The following GALNTL6 variants were observed in gnomAD, a reference collection of about 807,000 sequenced individuals.
The protein encoded by GALNTL6 is polypeptide N-acetylgalactosaminyltransferase-like 6.
Under a neutral mutation model 73.7 loss-of-function variants are expected in GALNTL6, and 46 were observed. That is an observed-to-expected ratio of 0.62 (90% confidence interval 0.49 to 0.80). The LOEUF is 0.80. GALNTL6 is among the 30% of genes least tolerant of loss of function. GALNTL6 has a pLI of 0.00. For missense variants in GALNTL6, 604 were observed against 755.0 expected, an observed-to-expected ratio of 0.80 and a Z score of 2.34; for synonymous variants, 259 against 263.7, an observed-to-expected ratio of 0.98 and a Z score of 0.17.
intron 5 of GALNTL6, among the ~76,000 whole-genome samples, chr4:172,657,160 T>C (rs1337944087): frequency 6.6e-6 from 1 of 152,180 alleles, no homozygotes; most frequent in South Asian, 2.1e-4. Context: ...CTAATAATAG[T>C]CTTTCTCTTT....
intron 2 of GALNTL6, among the ~76,000 whole-genome samples, chr4:171,918,580 A>T (rs964023887): frequency 1.3e-5 from 2 of 152,170 alleles, no homozygotes; most frequent in African/African-American, 4.8e-5. Context: ...GGAAAACAAT[A>T]TGGAGGTTCC....
intron 3 of GALNTL6, among the ~76,000 whole-genome samples, chr4:172,255,239 TC>T (rs1738030803): frequency 6.6e-6 from 1 of 151,660 alleles, no homozygotes; most frequent in Non-Finnish European, 1.5e-5. Context: ...TTGATAGCCC[TC>T]CAGTGCTTCA....
chr4:172,304,364 A>G (rs1276442164), intron 3 of GALNTL6, among the ~76,000 whole-genome samples: 1 of 151,982 alleles, frequency 6.6e-6, no homozygotes, highest in African/African-American at 2.4e-5. Context: ...ATACATCCCA[A>G]TGGGAACATT....
intron 7 of GALNTL6, among the ~76,000 whole-genome samples, chr4:172,857,531 C>A (rs1010614017): frequency 1.3e-5 from 2 of 152,160 alleles, no homozygotes; most frequent in Non-Finnish European, 2.9e-5. Context: ...GATAGGTGAA[C>A]TAAACTTAAG....
At chr4:172,598,776 T>C (rs974716809) in intron 5 of GALNTL6, among the ~76,000 whole-genome samples, 33 of 152,188 alleles carry the variant, frequency 2.2e-4, no homozygotes, top group Non-Finnish European at 8.8e-5. Flanking sequence ...CCTTATAAAA[T>C]ATTTTGTGAG....
chr4:172,231,613 C>A (rs200485487), intron 3 of GALNTL6, among the ~76,000 whole-genome samples: 39 of 152,252 alleles, frequency 2.6e-4, no homozygotes, highest in African/African-American at 8.4e-4. Flanking sequence ...CATTTCCATA[C>A]ATGCACTGTG....
intron 2 of GALNTL6, among the ~76,000 whole-genome samples, chr4:171,820,546 CT>C (rs1243722214): frequency 6.6e-6 from 1 of 152,162 alleles, no homozygotes; most frequent in Non-Finnish European, 1.5e-5. Context: ...ACTTCTGTGA[CT>C]TTTTGTTTTT....
rs1168720533 is a variant in GALNTL6 at position 172,685,097 on chromosome 4, G to T, written c.554-124264G>T. ...ATTACTTGAGTTTTCAAAAATTTCAGATATGTAGAGGAAAATACTATGGCA... is the reference window on the plus strand; with the variant it reads ...ATTACTTGAGTTTTCAAAAATTTCATATATGTAGAGGAAAATACTATGGCA... On this transcript the variant is annotated intron_variant, in intron 5 of 12. Transcript: ENST00000506823. Among the ~76,000 whole-genome samples the T allele has an allele frequency of 3.3e-5, 5 of 151,968 alleles. No individual in the cohort carries two copies. In the East Asian group the frequency reaches 9.6e-4, roughly 29 times the overall value.
intron 2 of GALNTL6, among the ~76,000 whole-genome samples, chr4:171,831,930 TA>T (rs942027431): frequency 1.3e-5 from 2 of 151,472 alleles, no homozygotes; most frequent in South Asian, 2.1e-4. Flanking sequence ...GACACAAAAG[TA>T]TTTTTTTATT....
At chr4:172,795,831 A>G (rs898167487) in intron 5 of GALNTL6, among the ~76,000 whole-genome samples, 1 of 151,182 alleles carries the variant, frequency 6.6e-6, no homozygotes, top group Admixed American at 6.6e-5. Flanking sequence ...TTCAGAAAAC[A>G]TTATTCACAA....
At chr4:172,245,278 C>G (rs1281807875) in intron 3 of GALNTL6, among the ~76,000 whole-genome samples, 1 of 152,078 alleles carries the variant, frequency 6.6e-6, no homozygotes, top group Non-Finnish European at 1.5e-5. Flanking sequence ...ACCTACCGTA[C>G]CTAATGTTTT....
chr4:172,606,652 G>GTATATATATAC (rs1553964465), intron 5 of GALNTL6, among the ~76,000 whole-genome samples: 1 of 34,772 alleles, frequency 2.9e-5, no homozygotes, highest in Non-Finnish European at 8.0e-5. Flanking sequence ...TATATATATA[G>GTATATATATAC]TATATATATA....
At chr4:172,964,785 T>C (rs1177114720) in intron 10 of GALNTL6, among the ~76,000 whole-genome samples, 1 of 152,242 alleles carries the variant, frequency 6.6e-6, no homozygotes, top group Admixed American at 6.5e-5. Flanking sequence ...GGATGCGATG[T>C]TGTCTCTTTC....
chr4:172,348,986 A>G (rs1044450257), intron 5 of GALNTL6, among the ~76,000 whole-genome samples: 2 of 152,202 alleles, frequency 1.3e-5, no homozygotes, highest in African/African-American at 4.8e-5. Context: ...ACTGTAAAAT[A>G]TATTATTGTA....
intron 5 of GALNTL6, among the ~76,000 whole-genome samples, chr4:172,754,133 G>A (rs562079553): frequency 1.3e-5 from 2 of 152,220 alleles, no homozygotes; most frequent in African/African-American, 4.8e-5. Context: ...ATATTGTGTA[G>A]GTCTTCTTAT....
At chr4:172,247,500 C>G (rs1227488188) in intron 3 of GALNTL6, among the ~76,000 whole-genome samples, 1 of 152,182 alleles carries the variant, frequency 6.6e-6, no homozygotes, top group African/African-American at 2.4e-5. Flanking sequence ...AACAGTCATT[C>G]TCTTAAAAGA....
intron 4 of GALNTL6, among the ~76,000 whole-genome samples, chr4:172,315,759 C>G (rs1258034068): frequency 6.6e-6 from 1 of 151,870 alleles, no homozygotes; most frequent in African/African-American, 2.4e-5. Flanking sequence ...AATGTCCAGT[C>G]AATGGATATC....
intron 5 of GALNTL6, among the ~76,000 whole-genome samples, chr4:172,524,235 TTG>T (rs2110826266): frequency 6.6e-6 from 1 of 152,118 alleles, no homozygotes; most frequent in Non-Finnish European, 1.5e-5. Context: ...TTTTTATTTT[TTG>T]CTCATTTATT....
rs141807250 is a variant in GALNTL6 at position 173,036,777 on chromosome 4, G to T, written c.1639-3156G>T. Among the ~76,000 whole-genome samples, 10 of 152,238 alleles carry T rather than the reference G, an allele frequency of 6.6e-5. No homozygotes were observed. In the East Asian group the frequency reaches 1.9e-3, roughly 29 times the overall value. ...AAGCACAGAAAGGACATCTTCTATC[G>T]TCCTTTAGGGAGGGTTGTTTTAGAA... On this transcript the variant is annotated intron_variant, in intron 12 of 12. Transcript: ENST00000506823.
Sources: allele counts gnomAD v4.1 joint callset (sites outside exome capture counted in the v4.1 genomes callset), GRCh38; gene constraint gnomAD v4.1.1; transcripts MANE v1.5; gene names NCBI Gene and HGNC (gene_info 2026-07-23, HGNC 2026-07-21).